PTPRJ: variants seen among roughly 807,000 people sequenced by gnomAD.
The protein encoded by PTPRJ is receptor-type tyrosine-protein phosphatase eta.
PTPRJ carries 129 observed loss-of-function variants against 141.3 expected under a neutral mutation model. The observed-to-expected ratio is 0.91, with a 90% CI of 0.79 to 1.06. PTPRJ has a LOEUF of 1.06. PTPRJ is among the 50% of genes least tolerant of loss of function. PTPRJ has a pLI of 0.00. For missense variants in PTPRJ, 1,601 were observed against 1,679.7 expected, an observed-to-expected ratio of 0.95 and a Z score of 0.82; for synonymous variants, 610 against 640.5, an observed-to-expected ratio of 0.95 and a Z score of 0.72.
At chr11:48,164,636 G>T in intron 24 of PTPRJ, 121 bp downstream of exon 24, 1 of 1,013,934 alleles carries the variant, frequency 9.9e-7, no homozygotes, top group East Asian at 3.0e-5. Context: ...GCATGATCTT[G>T]GCTCACTGCA....
chr11:48,147,115 C>T, intron 15 of PTPRJ, 152 bp downstream of exon 15: 1 of 700,614 alleles, frequency 1.4e-6, no homozygotes, highest in South Asian at 1.7e-5. Flanking sequence ...AGTCCTATTT[C>T]CTCTGCGCCC....
intron 21 of PTPRJ, among the ~76,000 whole-genome samples, chr11:48,156,767 A>G (rs1857618736): frequency 2.6e-5 from 4 of 151,684 alleles, no homozygotes; most frequent in Non-Finnish European, 4.4e-5. Flanking sequence ...TTTTATTTTT[A>G]GTGGAGGCAA....
At chr11:48,162,745 A>G (rs1267670364) in intron 22 of PTPRJ, among the ~76,000 whole-genome samples, 1 of 152,200 alleles carries the variant, frequency 6.6e-6, no homozygotes, top group Non-Finnish European at 1.5e-5. Flanking sequence ...TGAGTCAGGG[A>G]CAGGACTCGC....
chr11:48,058,152 C>T (rs12289583), intron 1 of PTPRJ, among the ~76,000 whole-genome samples: 10,184 of 152,020 alleles, frequency 0.067, 513 homozygotes, highest in African/African-American at 0.14. Flanking sequence ...CCTCAAGTGA[C>T]CCACCTGCCT....
Position 48,150,199 on chromosome 11 carries a change from T to G in PTPRJ, c.3138+16T>G. The stretch of plus-strand genomic sequence containing the variant: ...GGAATACGAAGTATGTTGCTGTAAA[T>G]ACTGTTTTTAATTGTGTCAGGTTCC... On this transcript the variant is annotated intron_variant, in intron 18 of 24. Transcript: ENST00000418331. 8.7e-6 allele frequency: 14 copies of G among 1,607,994 alleles called. No individual in the cohort carries two copies. The highest frequency in any genetic ancestry group is 1.2e-5 in the Non-Finnish European group (14 of 1,175,420).
At chr11:48,057,587 G>T (rs1854793657) in intron 1 of PTPRJ, among the ~76,000 whole-genome samples, 1 of 152,118 alleles carries the variant, frequency 6.6e-6, no homozygotes, top group Non-Finnish European at 1.5e-5. Flanking sequence ...GGTGGCAGCG[G>T]TAGCCCCCAT....
At chr11:48,006,386 G>C (rs139664686) in intron 1 of PTPRJ, among the ~76,000 whole-genome samples, 150 of 152,166 alleles carry the variant, frequency 9.9e-4, no homozygotes, top group African/African-American at 3.4e-3. Flanking sequence ...ATCTAGGGGC[G>C]GGGAGGGACA....
intron 1 of PTPRJ, among the ~76,000 whole-genome samples, chr11:48,059,086 T>C (rs1469092919): frequency 2.0e-5 from 3 of 146,898 alleles, no homozygotes; most frequent in Admixed American, 2.0e-4. Context: ...TCAGTACTCC[T>C]GATCGCTCCC....
chr11:48,161,007 A>AAAACC (rs1857758067), intron 22 of PTPRJ, among the ~76,000 whole-genome samples: 1 of 151,862 alleles, frequency 6.6e-6, no homozygotes, highest in South Asian at 2.1e-4. Flanking sequence ...CTACAAAAAC[A>AAAACC]AAACCAAACC....
intron 1 of PTPRJ, among the ~76,000 whole-genome samples, chr11:48,106,535 A>G (rs995737555): frequency 9.8e-5 from 15 of 152,304 alleles, no homozygotes; most frequent in African/African-American, 3.6e-4. Flanking sequence ...GGGAAGAACC[A>G]GAAGTTATTC....
intron 9 of PTPRJ, 39 bp downstream of exon 9, chr11:48,136,335 C>CT: frequency 1.3e-6 from 2 of 1,594,466 alleles, no homozygotes; most frequent in Middle Eastern, 1.7e-4. Flanking sequence ...AACAGCCTCT[C>CT]TAACTGTCTC....
At chr11:48,027,935 A>ATCCAGGGTCCAGATGCT (rs537636415) in intron 1 of PTPRJ, among the ~76,000 whole-genome samples, 6 of 151,666 alleles carry the variant, frequency 4.0e-5, no homozygotes, top group East Asian at 1.9e-4. Flanking sequence ...GTTTGCCTGC[A>ATCCAGGGTCCAGATGCT]TCCAGGGTCC....
In PTPRJ at chr11:48,155,887, A is replaced by T; in HGVS notation, c.3303+13A>T. 6.3e-7 allele frequency: 1 copy of T among 1,596,068 alleles called. No individual in the cohort carries two copies. Among genetic ancestry groups the T allele is most frequent in the Non-Finnish European group, 8.6e-7 (1 of 1,163,812 alleles). On this transcript the variant is annotated intron_variant, in intron 20 of 24. Coordinates refer to ENST00000418331, the MANE Select transcript of PTPRJ (RefSeq NM_002843.4). ...CAACTACATGCCTGTAAGTTGGGGG[A>T]CGGTCTCACAGCACTGGACTGTTTC...
chr11:47,986,853 G>A (rs1463996606), intron 1 of PTPRJ, among the ~76,000 whole-genome samples: 3 of 152,168 alleles, frequency 2.0e-5, no homozygotes, highest in Middle Eastern at 3.2e-3. Flanking sequence ...CCACAGAGTA[G>A]TATGGAATAA....
intron 1 of PTPRJ, among the ~76,000 whole-genome samples, chr11:48,078,075 T>C (rs1452871563): frequency 6.6e-6 from 1 of 151,934 alleles, no homozygotes; most frequent in African/African-American, 2.4e-5. Context: ...TTTTTTTTTT[T>C]TGAGGCGGAG....
chr11:48,145,680 T>A (rs1368184970), intron 14 of PTPRJ, among the ~76,000 whole-genome samples: 1 of 149,152 alleles, frequency 6.7e-6, no homozygotes, highest in Non-Finnish European at 1.5e-5. Context: ...TGCCTCAGCC[T>A]CCTGAGTAGC....
intron 7 of PTPRJ, among the ~76,000 whole-genome samples, chr11:48,128,552 G>A (rs77074615): frequency 0.011 from 1,626 of 152,296 alleles, 26 homozygotes; most frequent in African/African-American, 0.036. Context: ...AAGAAGGTCC[G>A]ATAATGTAAA....
intron 11 of PTPRJ, 109 bp from the exon 12 acceptor site, chr11:48,142,810 T>C (rs971055203): frequency 3.0e-6 from 4 of 1,341,464 alleles, no homozygotes; most frequent in Non-Finnish European, 4.0e-6. Flanking sequence ...GCCCAGCATG[T>C]AGCTTCCAGA....
intron 1 of PTPRJ, among the ~76,000 whole-genome samples, chr11:48,053,548 T>A (rs984919613): frequency 3.7e-5 from 5 of 133,350 alleles, no homozygotes; most frequent in Non-Finnish European, 7.6e-5. Context: ...ATTATATATT[T>A]TATATATATA....
Sources: allele counts gnomAD v4.1 joint callset (sites outside exome capture counted in the v4.1 genomes callset), GRCh38; gene constraint gnomAD v4.1.1; transcripts MANE v1.5; gene names NCBI Gene and HGNC (gene_info 2026-07-23, HGNC 2026-07-21).